The following THSD4 variants were observed in gnomAD, a reference collection of about 807,000 sequenced individuals.
THSD4 encodes thrombospondin type 1 domain containing 4.
A neutral mutation model predicts 119.0 loss-of-function variants in THSD4; 69 were observed. That is an observed-to-expected ratio of 0.58 (90% CI 0.48 to 0.71). The LOEUF (loss-of-function observed/expected upper bound fraction) is 0.71, where lower values mean the gene tolerates loss of function less well. THSD4 is among the 30% of genes least tolerant of loss of function. THSD4 has a pLI of 0.00. For synonymous variants in THSD4, 524 were observed against 540.4 expected (o/e 0.97, Z 0.42); for missense variants, 1,393 against 1,391.1 (o/e 1.00, Z -0.02).
At chr15:71,600,739 TCTTTC>T (rs2049992514) in intron 7 of THSD4, among the ~76,000 whole-genome samples, 2 of 129,058 alleles carry the variant, frequency 1.5e-5, no homozygotes, top group African/African-American at 5.3e-5. Context: ...TCTTTTTTTT[TCTTTC>T]TTTCTTTTTT....
chr15:71,168,100 T>G (rs1357029528), intron 3 of THSD4, among the ~76,000 whole-genome samples: 1 of 152,254 alleles, frequency 6.6e-6, no homozygotes, highest in Non-Finnish European at 1.5e-5. Context: ...TTCTTGGCAA[T>G]TAATTAAAGA....
At chr15:71,335,216 C>A (rs895994624) in intron 6 of THSD4, among the ~76,000 whole-genome samples, 1 of 152,130 alleles carries the variant, frequency 6.6e-6, no homozygotes, top group Non-Finnish European at 1.5e-5. Context: ...ACACAGCTCA[C>A]GTTCAGGAAA....
intron 1 of THSD4, among the ~76,000 whole-genome samples, chr15:71,102,072 G>A (rs2040256077): frequency 6.6e-6 from 1 of 152,046 alleles, no homozygotes; most frequent in Admixed American, 6.6e-5. Flanking sequence ...AGCTTCCATG[G>A]TTTCTGATGA....
intron 6 of THSD4, among the ~76,000 whole-genome samples, chr15:71,320,120 G>A (rs1253353093): frequency 2.6e-5 from 4 of 152,154 alleles, no homozygotes; most frequent in African/African-American, 7.2e-5. Context: ...TTACCCCTAG[G>A]TGAACTTCTA....
chr15:71,232,022 C>T (rs143305904), intron 4 of THSD4, among the ~76,000 whole-genome samples: 5 of 152,236 alleles, frequency 3.3e-5, no homozygotes, highest in African/African-American at 1.2e-4. Flanking sequence ...GCTCTCTTTC[C>T]AGCTCGAGGC....
intron 6 of THSD4, among the ~76,000 whole-genome samples, chr15:71,303,065 TGCTTTCCTACCCAGGAGGATAA>T (rs564094627): frequency 0.017 from 2,544 of 152,006 alleles, 54 homozygotes; most frequent in African/African-American, 0.054. Context: ...CTCCTCACCA[TGCTTTCCTACCCAGGAGGATAA>T]GCTTTCCTAC....
At chr15:71,403,787 G>A (rs953729781) in intron 6 of THSD4, among the ~76,000 whole-genome samples, 16 of 152,328 alleles carry the variant, frequency 1.1e-4, no homozygotes, top group African/African-American at 3.8e-4. Flanking sequence ...GTATCCATGG[G>A]CCCTGCCCTT....
chr15:71,635,532 GAA>G (rs2050722301), intron 7 of THSD4, among the ~76,000 whole-genome samples: 1 of 152,226 alleles, frequency 6.6e-6, no homozygotes, highest in Non-Finnish European at 1.5e-5. Flanking sequence ...CTAAAAGGCT[GAA>G]AAGAGTTGAG....
intron 7 of THSD4, among the ~76,000 whole-genome samples, chr15:71,532,263 T>A (rs924972406): frequency 2.0e-4 from 14 of 71,788 alleles, no homozygotes; most frequent in South Asian, 1.4e-3. Flanking sequence ...CAACAAAGGG[T>A]GAGAGAGAGA....
At chr15:71,448,176 T>C (rs2047214178) in intron 7 of THSD4, among the ~76,000 whole-genome samples, 1 of 152,216 alleles carries the variant, frequency 6.6e-6, no homozygotes, top group African/African-American at 2.4e-5. Context: ...AAAGTTGTTA[T>C]GTGGAAGTCT....
At chr15:71,250,935 G>A (rs988692022) in intron 5 of THSD4, among the ~76,000 whole-genome samples, 1 of 152,018 alleles carries the variant, frequency 6.6e-6, no homozygotes, top group African/African-American at 2.4e-5. Flanking sequence ...AATAAAAAAA[G>A]CATTTGAGAA....
chr15:71,219,873 T>G (rs1043230516), intron 4 of THSD4, among the ~76,000 whole-genome samples: 2 of 152,194 alleles, frequency 1.3e-5, no homozygotes, highest in African/African-American at 2.4e-5. Flanking sequence ...CTAAAGTTCT[T>G]TTCACTGAAA....
intron 1 of THSD4, among the ~76,000 whole-genome samples, chr15:71,116,476 A>C (rs527367063): frequency 3.3e-5 from 5 of 152,276 alleles, no homozygotes; most frequent in Admixed American, 6.5e-5. Flanking sequence ...TTTGTGGTCT[A>C]GTAAGTTTTT....
At chr15:71,194,635 G>A (rs562055131) in intron 3 of THSD4, among the ~76,000 whole-genome samples, 1 of 152,138 alleles carries the variant, frequency 6.6e-6, no homozygotes. Context: ...ATTTGGAGAG[G>A]CCCCTACAAA....
chr15:71,217,943 C>T (rs1011372946), intron 4 of THSD4, among the ~76,000 whole-genome samples: 5 of 151,908 alleles, frequency 3.3e-5, no homozygotes, highest in Admixed American at 6.6e-5. Flanking sequence ...TGTACCACCA[C>T]GCCTAGCTAA....
At chr15:71,527,491 C>G (rs546162542) in intron 7 of THSD4, among the ~76,000 whole-genome samples, 1 of 152,042 alleles carries the variant, frequency 6.6e-6, no homozygotes, top group African/African-American at 2.4e-5. Context: ...CCCATTAATG[C>G]CCTTCAAATG....
intron 1 of THSD4, among the ~76,000 whole-genome samples, chr15:71,103,147 C>CTTTTT (rs34279644): frequency 7.1e-6 from 1 of 141,036 alleles, no homozygotes; most frequent in African/African-American, 2.6e-5. Flanking sequence ...AAAAAGAAGG[C>CTTTTT]TTTTTTTTTT....
intron 7 of THSD4, among the ~76,000 whole-genome samples, chr15:71,423,483 T>A (rs1407454562): frequency 1.3e-5 from 2 of 152,136 alleles, no homozygotes; most frequent in Non-Finnish European, 2.9e-5. Context: ...TGTCTAGAAA[T>A]GTCTTCTGGG....
intron 13 of THSD4, 111 bp from the exon 14 acceptor site, chr15:71,748,310 C>T: frequency 7.5e-7 from 1 of 1,336,630 alleles, no homozygotes; most frequent in Non-Finnish European, 1.0e-6. Flanking sequence ...ACATGCATGA[C>T]AGAGCCTCAG....
Sources: allele counts gnomAD v4.1 joint callset (sites outside exome capture counted in the v4.1 genomes callset), GRCh38; gene constraint gnomAD v4.1.1; transcripts MANE v1.5; gene names NCBI Gene and HGNC (gene_info 2026-07-23, HGNC 2026-07-21).